The following ARB2A variants were observed in gnomAD, a reference collection of about 807,000 sequenced individuals.
ARB2A encodes cotranscriptional regulator ARB2A.
chr5:93,796,002 T>A, the ARB2A span, among the ~76,000 whole-genome samples: 2 of 152,324 alleles, frequency 1.3e-5, no homozygotes, highest in South Asian at 4.1e-4. Flanking sequence ...AAGTTTAAAA[T>A]AACCCAAACT....
At chr5:93,944,234 A>G in the ARB2A span, among the ~76,000 whole-genome samples, 1 of 152,196 alleles carries the variant, frequency 6.6e-6, no homozygotes, top group Non-Finnish European at 1.5e-5. Context: ...AAAATATTTA[A>G]TTAAAATGCT....
chr5:93,837,600 A>G, the ARB2A span, among the ~76,000 whole-genome samples: 1 of 152,046 alleles, frequency 6.6e-6, no homozygotes, highest in East Asian at 1.9e-4. Context: ...CTTTCCAGAA[A>G]GGCTGAACTA....
At chr5:93,852,385 T>C in the ARB2A span, among the ~76,000 whole-genome samples, 2 of 152,182 alleles carry the variant, frequency 1.3e-5, no homozygotes, top group South Asian at 4.1e-4. Context: ...TTGCAAAAAT[T>C]TTCTCCCATT....
the ARB2A span, among the ~76,000 whole-genome samples, chr5:94,077,935 A>C: frequency 2.0e-5 from 3 of 152,236 alleles, no homozygotes; most frequent in Non-Finnish European, 2.9e-5. Flanking sequence ...TCCAACAGAG[A>C]ATCTACTATG....
chr5:94,026,518 G>A, the ARB2A span, among the ~76,000 whole-genome samples: 1 of 152,138 alleles, frequency 6.6e-6, no homozygotes, highest in Non-Finnish European at 1.5e-5. Flanking sequence ...GGCTCAGAAT[G>A]GGGGAATGTG....
the ARB2A span, chr5:93,804,835 A>G: frequency 8.8e-6 from 6 of 683,924 alleles, no homozygotes; most frequent in Non-Finnish European, 1.1e-5. Context: ...TAATTTTTTG[A>G]TTATTTTGAA....
the ARB2A span, among the ~76,000 whole-genome samples, chr5:93,715,664 G>A: frequency 2.0e-5 from 3 of 149,864 alleles, no homozygotes; most frequent in South Asian, 4.2e-4. Context: ...TTTTTATTAG[G>A]GAAACAACTC....
At chr5:93,899,815 A>G in the ARB2A span, among the ~76,000 whole-genome samples, 6 of 152,316 alleles carry the variant, frequency 3.9e-5, no homozygotes, top group Admixed American at 3.9e-4. Flanking sequence ...TGACATGCAT[A>G]TAATTCTTTA....
chr5:93,804,843 G>C, the ARB2A span: 1 of 731,912 alleles, frequency 1.4e-6, no homozygotes, highest in East Asian at 1.3e-4. Context: ...TGATTATTTT[G>C]AAAAATTTGA....
At chr5:94,095,060 CAG>C in the ARB2A span, among the ~76,000 whole-genome samples, 1 of 152,188 alleles carries the variant, frequency 6.6e-6, no homozygotes, top group African/African-American at 2.4e-5. Flanking sequence ...TCACAGAAGA[CAG>C]AGTGTTCAGA....
chr5:93,899,149 T>C, the ARB2A span, among the ~76,000 whole-genome samples: 8 of 152,146 alleles, frequency 5.3e-5, no homozygotes, highest in African/African-American at 1.2e-4. Context: ...TATATATAGA[T>C]GGCACTTCTG....
chr5:93,811,068 C>T, the ARB2A span, among the ~76,000 whole-genome samples: 4 of 152,038 alleles, frequency 2.6e-5, no homozygotes, highest in East Asian at 1.9e-4. Flanking sequence ...CCAGGTGTAA[C>T]TTATGGATAT....
the ARB2A span, chr5:93,737,233 G>C: frequency 6.6e-6 from 1 of 152,060 alleles, no homozygotes; most frequent in African/African-American, 2.4e-5. Context: ...ATAACTTTAA[G>C]AAAGTGAAAG....
chr5:93,742,356 G>C, the ARB2A span, among the ~76,000 whole-genome samples: 2 of 152,114 alleles, frequency 1.3e-5, no homozygotes, highest in Non-Finnish European at 2.9e-5. Flanking sequence ...GAACTGGCCT[G>C]ACCCACTGTC....
chr5:94,105,201 T>C, the ARB2A span, among the ~76,000 whole-genome samples: 1 of 152,028 alleles, frequency 6.6e-6, no homozygotes, highest in Non-Finnish European at 1.5e-5. Flanking sequence ...AGTCATACTA[T>C]CTCTGTTCAC....
chr5:93,628,052 ATTTTTTTTTTT>A, the ARB2A span, among the ~76,000 whole-genome samples: 9 of 68,332 alleles, frequency 1.3e-4, no homozygotes, highest in South Asian at 9.7e-4. Flanking sequence ...ATGTAGCATA[ATTTTTTTTTTT>A]TTTTTTTTTT....
At chr5:93,657,157 C>T in the ARB2A span, among the ~76,000 whole-genome samples, 1 of 152,194 alleles carries the variant, frequency 6.6e-6, no homozygotes, top group Non-Finnish European at 1.5e-5. Flanking sequence ...TGGCCTCTCT[C>T]AGGCCACAGA....
the ARB2A span, among the ~76,000 whole-genome samples, chr5:93,771,685 GC>G: frequency 6.6e-6 from 1 of 152,164 alleles, no homozygotes; most frequent in Non-Finnish European, 1.5e-5. Context: ...CATTTATGCA[GC>G]CAAAAAACAC....
At chr5:94,081,454 G>GTCA in the ARB2A span, among the ~76,000 whole-genome samples, 1 of 152,160 alleles carries the variant, frequency 6.6e-6, no homozygotes, top group African/African-American at 2.4e-5. Context: ...GTCAACTGAT[G>GTCA]AATGGATAAA....
Sources: allele counts gnomAD v4.1 joint callset (sites outside exome capture counted in the v4.1 genomes callset), GRCh38; gene constraint gnomAD v4.1.1; transcripts MANE v1.5; gene names NCBI Gene and HGNC (gene_info 2026-07-23, HGNC 2026-07-21).